OBI1: variants seen among roughly 807,000 people sequenced by gnomAD.
OBI1 encodes the protein ORC ubiquitin ligase 1.
In OBI1, 59 loss-of-function variants were observed where a neutral mutation model predicts 62.4. That is an observed-to-expected ratio of 0.95 (90% CI 0.77 to 1.17). The LOEUF is 1.17. Ranked by LOEUF, OBI1 falls within the 50% of genes most tolerant of loss-of-function variation. The pLI, the probability that OBI1 is intolerant of heterozygous loss-of-function variation, is 0.00. For missense variants in OBI1, 875 were observed against 830.9 expected (o/e 1.05, Z -0.65); for synonymous variants, 302 against 292.8 (o/e 1.03, Z -0.32).
intron 5 of OBI1, among the ~76,000 whole-genome samples, chr13:78,632,885 T>C (rs1019004661): frequency 1.3e-5 from 2 of 152,168 alleles, no homozygotes; most frequent in African/African-American, 2.4e-5. Context: ...CCAATGGAAG[T>C]TAAAGATGGA....
chr13:78,626,095 G>T (rs1230072029), intron 5 of OBI1, among the ~76,000 whole-genome samples: 6 of 152,170 alleles, frequency 3.9e-5, no homozygotes, highest in Non-Finnish European at 1.5e-5. Context: ...AATAGATGCG[G>T]ACAAGAAACT....
Position 78,615,646 on chromosome 13 carries a change from T to C in OBI1, c.2115A>G (p.Gln705=), listed in dbSNP as rs773286478. 12 of 1,613,840 alleles carry C rather than the reference T, an allele frequency of 7.4e-6. No homozygotes were observed. Among genetic ancestry groups the C allele is most frequent in the African/African-American group, 1.3e-5 (1 of 75,050 alleles). Residue 705 remains glutamine, a synonymous_variant, in exon 6 of 6, where the codon CAA becomes CAG. Transcript: ENST00000282003. The part of the protein sequence containing the change: ...VPEKRNKNVN[Q]STKRKIQSSL... The stretch of plus-strand genomic sequence containing the variant: ...TGCTCTGGATTTTTCTTTTTGTTGA[T>C]TGATTCACATTTTTATTCCTCTTTT...
At chr13:78,645,998 A>C (rs575033990) in intron 1 of OBI1, among the ~76,000 whole-genome samples, 1 of 152,272 alleles carries the variant, frequency 6.6e-6, no homozygotes, top group African/African-American at 2.4e-5. Context: ...TCACCGCCCC[A>C]ACCCTTTTCC....
At chr13:78,633,839 G>A (rs1032632089) in intron 5 of OBI1, among the ~76,000 whole-genome samples, 6 of 152,076 alleles carry the variant, frequency 3.9e-5, no homozygotes, top group Non-Finnish European at 7.4e-5. Flanking sequence ...AGGCCGAGGC[G>A]GGTGGATCAC....
At position 78,644,927 on chromosome 13, in the gene OBI1, T is replaced by G. The variant is rs1876336651; in HGVS notation, c.143A>C (p.Asn48Thr). ...CSICIDLWLK[N>T]NSQCPACRVP... ...TCTGCAAGCTGGACACTGGCTATTA[T>G]TCTTCAACCACAAATCAATACAAAT... The change falls in exon 2 of 6, where the codon AAT becomes ACT. Residue 48 changes from asparagine to threonine, a missense_variant. Transcript: ENST00000282003. The G allele has an allele frequency of 1.9e-6, 3 of 1,613,902 alleles. No individual in the cohort carries two copies. The highest frequency in any genetic ancestry group is 2.7e-5 in the African/African-American group (2 of 74,930).
intron 1 of OBI1, among the ~76,000 whole-genome samples, chr13:78,654,967 A>T (rs1876656718): frequency 6.6e-6 from 1 of 152,184 alleles, no homozygotes; most frequent in Non-Finnish European, 1.5e-5. Context: ...TTTATTGTTT[A>T]TCTTAAAGGG....
intron 4 of OBI1, among the ~76,000 whole-genome samples, chr13:78,637,036 A>C (rs1460183176): frequency 6.6e-6 from 1 of 152,216 alleles, no homozygotes; most frequent in East Asian, 1.9e-4. Context: ...AGTTCTGCCT[A>C]CCTTTTGCAC....
At chr13:78,647,905 A>G (rs1042721432) in intron 1 of OBI1, among the ~76,000 whole-genome samples, 1 of 152,188 alleles carries the variant, frequency 6.6e-6, no homozygotes, top group Non-Finnish European at 1.5e-5. Flanking sequence ...CTAAACAAAG[A>G]TAATCTGGAA....
intron 1 of OBI1, among the ~76,000 whole-genome samples, chr13:78,649,947 A>T (rs918212055): frequency 6.6e-6 from 1 of 152,220 alleles, no homozygotes; most frequent in Admixed American, 6.5e-5. Context: ...CGAGAAGGGA[A>T]GTGGGTTACA....
chr13:78,634,088 AAAAAAC>A (rs1875944916), intron 5 of OBI1, among the ~76,000 whole-genome samples: 1 of 123,394 alleles, frequency 8.1e-6, no homozygotes, highest in Non-Finnish European at 1.8e-5. Context: ...AACAAAAAAC[AAAAAAC>A]AAAAAAAAAA....
rs765222827 is a variant in OBI1, at chr13:78,616,880, T to G, written c.881A>C (p.Gln294Pro). 1.9e-6 allele frequency: 3 copies of G among 1,614,106 alleles called. No homozygotes were observed. In the East Asian group the frequency reaches 6.7e-5, roughly 36 times the overall value. The change falls in exon 6 of 6, where the codon CAA (glutamine) becomes CCA (proline). Residue 294 changes from glutamine to proline, a missense_variant. Transcript: ENST00000282003. ...GSEEDVVSKN[Q>P]GDSARKQPGS... The stretch of plus-strand genomic sequence containing the variant: ...AGGCTGCTTTCTGGCACTATCGCCT[T>G]GATTCTTTGACACCACATCCTCCTC...
intron 1 of OBI1, among the ~76,000 whole-genome samples, chr13:78,647,090 G>A (rs1876407108): frequency 6.6e-6 from 1 of 152,236 alleles, no homozygotes; most frequent in South Asian, 2.1e-4. Flanking sequence ...ACAATGCACG[G>A]CGGAAAGCCG....
At chr13:78,654,798 C>G (rs1876650204) in intron 1 of OBI1, among the ~76,000 whole-genome samples, 1 of 152,124 alleles carries the variant, frequency 6.6e-6, no homozygotes, top group Admixed American at 6.5e-5. Context: ...AAGTAGAAAT[C>G]ATAATTTTAT....
At chr13:78,642,330 C>A in intron 2 of OBI1, 117 bp from the exon 3 acceptor site, 1 of 642,262 alleles carries the variant, frequency 1.6e-6, no homozygotes, top group Admixed American at 2.5e-5. Context: ...CTTCCCCTTA[C>A]ATACACACTT....
Position 78,621,491 on chromosome 13 carries a change from T to TA in OBI1, c.639-4370dup, listed in dbSNP as rs377176306. Among the ~76,000 whole-genome samples the TA allele has an allele frequency of 5.7e-3, 875 of 152,206 alleles. 7 individuals are homozygous for TA. Among genetic ancestry groups the TA allele is most frequent in the Non-Finnish European group, 9.3e-3 (633 of 68,002 alleles). ...AGCTGGGCTGCTCCTTGTCTCCCAG[T>TA]AAAAAACCCGCATGACATTTCACAA... On this transcript the variant is annotated intron_variant, in intron 5 of 5. Coordinates refer to ENST00000282003, the MANE Select transcript of OBI1 (RefSeq NM_024546.4).
At position 78,616,876 on chromosome 13, in the gene OBI1, G is replaced by A. The variant is rs375560164; in HGVS notation, c.885C>T (p.Gly295=). The part of the protein sequence containing the change: ...SEEDVVSKNQ[G]DSARKQPGSS... ...AGCCAGGCTGCTTTCTGGCACTATC[G>A]CCTTGATTCTTTGACACCACATCCT... is the stretch of plus-strand genomic sequence containing the variant. Residue 295 remains glycine (G), a synonymous_variant, in exon 6 of 6, where the codon GGC becomes GGT. Transcript: ENST00000282003. The A allele has an allele frequency of 2.0e-5, 33 of 1,614,044 alleles. 1 individual carries two copies. Among genetic ancestry groups the A allele is most frequent in the African/African-American group, 4.0e-5 (3 of 74,918 alleles).
At chr13:78,655,862 G>A (rs1386708809) in intron 1 of OBI1, among the ~76,000 whole-genome samples, 1 of 152,234 alleles carries the variant, frequency 6.6e-6, no homozygotes, top group Non-Finnish European at 1.5e-5. Flanking sequence ...AAGCGAACCT[G>A]AGGACACGCC....
chr13:78,625,142 C>A (rs1315462693), intron 5 of OBI1, among the ~76,000 whole-genome samples: 4 of 152,126 alleles, frequency 2.6e-5, no homozygotes, highest in African/African-American at 9.7e-5. Flanking sequence ...TAACAGGGAT[C>A]CTAATCTGTC....
At chr13:78,645,934 G>A (rs1763531111) in intron 1 of OBI1, among the ~76,000 whole-genome samples, 1 of 152,198 alleles carries the variant, frequency 6.6e-6, no homozygotes, top group South Asian at 2.1e-4. Context: ...ACAGGCGTGA[G>A]CCACCGCGCC....
Sources: allele counts gnomAD v4.1 joint callset (sites outside exome capture counted in the v4.1 genomes callset), GRCh38; gene constraint gnomAD v4.1.1; transcripts MANE v1.5; gene names NCBI Gene and HGNC (gene_info 2026-07-23, HGNC 2026-07-21).